The following AHCTF1 variants were observed in gnomAD, a reference collection of about 807,000 sequenced individuals.
AHCTF1 encodes protein ELYS.
In AHCTF1, 24 loss-of-function variants were observed where a neutral mutation model predicts 248.4. The observed-to-expected ratio is 0.10, with a 90% CI of 0.07 to 0.14. AHCTF1 has a LOEUF of 0.14. AHCTF1 is among the 10% of genes least tolerant of loss of function. AHCTF1 has a pLI of 1.00. For missense variants in AHCTF1, 2,206 were observed against 2,636.2 expected, an observed-to-expected ratio of 0.84 and a Z score of 3.57; for synonymous variants, 786 against 929.8, an observed-to-expected ratio of 0.85 and a Z score of 2.81.
At chr1:246,861,840 G>A in intron 28 of AHCTF1, 119 bp downstream of exon 28, 1 of 869,140 alleles carries the variant, frequency 1.2e-6, no homozygotes. Context: ...CTAGCTACAA[G>A]ATTATATACA....
rs775292442 is a variant in AHCTF1, at chr1:246,860,864, A to G, written c.4132+35T>C. The G allele has an allele frequency of 4.4e-6, 7 of 1,582,474 alleles. No individual in the cohort carries two copies. In the South Asian group the frequency reaches 6.9e-5, roughly 16 times the overall value. ...TTATAAACTTTATTGAGGGACATTA[A>G]TAACAATTTTGAGTATTCAGAAATG... On this transcript the variant is annotated intron_variant, in intron 29 of 35. Coordinates refer to ENST00000648844, the MANE Select transcript of AHCTF1 (RefSeq NM_001323342.2).
intron 5 of AHCTF1, among the ~76,000 whole-genome samples, chr1:246,905,984 T>C (rs1034365927): frequency 2.0e-5 from 3 of 152,228 alleles, no homozygotes; most frequent in African/African-American, 7.2e-5. Flanking sequence ...ATTACTCAAG[T>C]GGATGCATTC....
In AHCTF1 at chr1:246,926,898, GC is replaced by G. The variant is rs1356806889; in HGVS notation, c.-8+4679del. 5.4e-4 allele frequency among the ~76,000 whole-genome samples: 82 copies of G among 152,190 alleles called. 1 individual carries two copies. The highest frequency in any genetic ancestry group is 8.3e-4 in the South Asian group (4 of 4,820). ...AAAACAAACAAAAGTGTATGGCCGG[GC>G]CGCGGTGGCACACGCCTGTAATCCC... On this transcript the variant is annotated intron_variant, in intron 1 of 35. Coordinates refer to ENST00000648844, the MANE Select transcript of AHCTF1 (RefSeq NM_001323342.2).
rs115920770 is a variant in AHCTF1, at chr1:246,891,774, C to A, written c.1945+5G>T. 6.2e-7 allele frequency: 1 copy of A among 1,607,158 alleles called. No homozygotes were observed. Among genetic ancestry groups the A allele is most frequent in the Admixed American group, 1.7e-5 (1 of 58,258 alleles). On this transcript the variant is annotated splice_donor_5th_base_variant and intron_variant, in intron 15 of 35. Transcript: ENST00000648844. ...AACACTCATTTGATAAAACAAAGAG[C>A]GTACCTCTCTCAGTGATCTCTCGGG... is the stretch of plus-strand genomic sequence containing the variant.
chr1:246,921,446 T>A (rs536099250), intron 1 of AHCTF1, among the ~76,000 whole-genome samples: 1 of 152,052 alleles, frequency 6.6e-6, no homozygotes, highest in South Asian at 2.1e-4. Context: ...AAAAACAAAC[T>A]CAAAGGATAA....
chr1:246,881,850 C>CAAAAAAAAAAACA (rs1663445872), intron 21 of AHCTF1, among the ~76,000 whole-genome samples: 1 of 126,860 alleles, frequency 7.9e-6, no homozygotes, highest in South Asian at 2.5e-4. Flanking sequence ...AAAAAAAAAC[C>CAAAAAAAAAAACA]AAAAAAAAAA....
chr1:246,931,342 C>G, intron 1 of AHCTF1: 1 of 1,544,248 alleles, frequency 6.5e-7, no homozygotes, highest in Non-Finnish European at 8.7e-7. Flanking sequence ...CGCCGCTCCT[C>G]CGGTCCGAGA....
rs566357878 is a variant in AHCTF1 at position 246,916,349 on chromosome 1, T to C, written c.168A>G (p.Val56=). The C allele has an allele frequency of 6.2e-7, 1 of 1,603,632 alleles. No homozygotes were observed. The highest frequency in any genetic ancestry group is 2.2e-5 in the East Asian group (1 of 44,828). The change falls in exon 3 of 36, where the codon GTA becomes GTG. Residue 56 remains valine, a synonymous_variant. Transcript: ENST00000648844. ...ATCGCTCTCCTGTTATAGAGTTTAC[T>C]ACCTCAAGTTGTGGACCACAAGCCA... ...ACLACGPQLE[V]VNSITGERLS...
At chr1:246,873,504 T>TA (rs1662741353) in intron 24 of AHCTF1, among the ~76,000 whole-genome samples, 1 of 152,088 alleles carries the variant, frequency 6.6e-6, no homozygotes, top group African/African-American at 2.4e-5. Flanking sequence ...GACAATACAC[T>TA]AGTCAATTTC....
At chr1:246,876,900 C>T (rs781015187) in intron 23 of AHCTF1, 50 bp downstream of exon 23, 1 of 1,592,846 alleles carries the variant, frequency 6.3e-7, no homozygotes, top group Non-Finnish European at 8.5e-7. Flanking sequence ...AAAAAGCCTC[C>T]AGTTTTCCTT....
chr1:246,911,245 C>A (rs1042647712), intron 4 of AHCTF1, among the ~76,000 whole-genome samples: 1 of 152,080 alleles, frequency 6.6e-6, no homozygotes, highest in African/African-American at 2.4e-5. Context: ...TTTTAATTAG[C>A]CTTACACCTA....
chr1:246,876,552 C>G (rs1349596292), intron 23 of AHCTF1, among the ~76,000 whole-genome samples: 1 of 152,162 alleles, frequency 6.6e-6, no homozygotes, highest in African/African-American at 2.4e-5. Context: ...GAGTGTGTCC[C>G]AAGCACACAG....
chr1:246,868,839 G>GT (rs1190228138), intron 24 of AHCTF1, among the ~76,000 whole-genome samples: 1 of 113,772 alleles, frequency 8.8e-6, no homozygotes, highest in Non-Finnish European at 1.6e-5. Flanking sequence ...TTGTGTGTGT[G>GT]TTTTTTGTTT....
At chr1:246,880,245 A>T (rs1246018142) in intron 21 of AHCTF1, among the ~76,000 whole-genome samples, 1 of 151,084 alleles carries the variant, frequency 6.6e-6, no homozygotes, top group Non-Finnish European at 1.5e-5. Context: ...TATAAAATAT[A>T]TAATAGGCAT....
chr1:246,909,909 T>A (rs1665680477), intron 4 of AHCTF1, among the ~76,000 whole-genome samples: 1 of 152,178 alleles, frequency 6.6e-6, no homozygotes, highest in Non-Finnish European at 1.5e-5. Flanking sequence ...TCTTCTAACA[T>A]TGCCAAACAT....
intron 16 of AHCTF1, among the ~76,000 whole-genome samples, chr1:246,890,693 T>G (rs1315294867): frequency 6.6e-6 from 1 of 152,172 alleles, no homozygotes; most frequent in Non-Finnish European, 1.5e-5. Context: ...TGAACTCATT[T>G]TCAGGAGCTA....
chr1:246,885,453 G>A, intron 21 of AHCTF1, 40 bp downstream of exon 21: 1 of 1,496,206 alleles, frequency 6.7e-7, no homozygotes, highest in South Asian at 1.3e-5. Context: ...TTTATTAACA[G>A]ATACGATAAA....
intron 1 of AHCTF1, among the ~76,000 whole-genome samples, chr1:246,926,039 C>CT (rs1491499746): frequency 7.3e-6 from 1 of 136,598 alleles, no homozygotes; most frequent in Non-Finnish European, 1.6e-5. Flanking sequence ...CAGTGAGACC[C>CT]TGTCTTTAAA....
rs755274594 is a variant in AHCTF1, at chr1:246,913,259, A to C, written c.529T>G (p.Cys177Gly). 134 of 1,610,048 alleles carry C rather than the reference A, an allele frequency of 8.3e-5. No individual in the cohort carries two copies. Among genetic ancestry groups the C allele is most frequent in the Non-Finnish European group, 1.1e-4 (127 of 1,177,920 alleles). ...GATGCTTCAACTTCATTTTGATTGC[A>C]TGACAAGTCATCCAAACATAGGTCA... The part of the protein sequence containing the change: ...LVDLCLDDLS[C>G]NQNEVEASDL... The change falls in exon 4 of 36, where the codon TGC (cysteine) becomes GGC (glycine). Residue 177 changes from cysteine to glycine, a missense_variant. Coordinates refer to ENST00000648844, the MANE Select transcript of AHCTF1 (RefSeq NM_001323342.2).
Sources: allele counts gnomAD v4.1 joint callset (sites outside exome capture counted in the v4.1 genomes callset), GRCh38; gene constraint gnomAD v4.1.1; transcripts MANE v1.5; gene names NCBI Gene and HGNC (gene_info 2026-07-23, HGNC 2026-07-21).